SNTG1: variants seen among roughly 807,000 people sequenced by gnomAD.
SNTG1 encodes syntrophin gamma 1.
SNTG1 carries 39 observed loss-of-function variants against 74.7 expected under a neutral mutation model. The ratio of observed to expected loss-of-function variants is 0.52; its 90% CI spans 0.40 to 0.68. The LOEUF is 0.68. Among genes scored for constraint, SNTG1 ranks in the 30% least tolerant of loss-of-function variants. The pLI is 0.00. For synonymous variants in SNTG1, 254 were observed against 217.1 expected, an observed-to-expected ratio of 1.17 and a Z score of -1.49; for missense variants, 685 against 609.5, an observed-to-expected ratio of 1.12 and a Z score of -1.30.
intron 2 of SNTG1, among the ~76,000 whole-genome samples, chr8:50,253,084 G>A (rs2086714059): frequency 6.6e-6 from 1 of 152,096 alleles, no homozygotes; most frequent in South Asian, 2.1e-4. Flanking sequence ...TGGTGGGACT[G>A]TAAATCCGTA....
intron 4 of SNTG1, among the ~76,000 whole-genome samples, chr8:50,420,400 G>A (rs1436247845): frequency 6.6e-6 from 1 of 152,044 alleles, no homozygotes; most frequent in Non-Finnish European, 1.5e-5. Context: ...GAAAAAAATT[G>A]TCAATCCAAA....
chr8:50,662,622 G>A (rs1187290833), intron 15 of SNTG1, among the ~76,000 whole-genome samples: 1 of 152,190 alleles, frequency 6.6e-6, no homozygotes, highest in African/African-American at 2.4e-5. Flanking sequence ...ATACTACACT[G>A]TCTCTGTCTC....
rs115523647 is a variant in SNTG1, at chr8:50,290,221, T to C, written c.-27-103991T>C. ...TAGGTTCCTCCAAATCCTGCCTATT[T>C]TAGGTATCTGGAGTTAATGTAAAAA... On this transcript the variant is annotated intron_variant, in intron 2 of 18. Coordinates refer to ENST00000642720, the MANE Select transcript of SNTG1 (RefSeq NM_018967.5). Among the ~76,000 whole-genome samples the C allele has an allele frequency of 3.5e-3, 528 of 152,292 alleles. 5 individuals carry two copies. Among genetic ancestry groups the C allele is most frequent in the African/African-American group, 0.012 (499 of 41,556 alleles).
intron 1 of SNTG1, among the ~76,000 whole-genome samples, chr8:50,133,193 CT>C (rs1272195385): frequency 6.6e-6 from 1 of 152,180 alleles, no homozygotes; most frequent in Non-Finnish European, 1.5e-5. Flanking sequence ...TCACTCAATT[CT>C]AGAACACGAT....
chr8:50,787,863 G>T (rs963732825), intron 18 of SNTG1, among the ~76,000 whole-genome samples: 4 of 152,004 alleles, frequency 2.6e-5, no homozygotes, highest in Admixed American at 2.0e-4. Context: ...GGAGTGACTT[G>T]TACTGGGTAT....
chr8:50,773,850 C>A lies in SNTG1; in HGVS notation c.1396-18821C>A, dbSNP rs1365142979. Reference sequence around the variant, plus strand: ...AATATATTAACTGGTCTAAATGAAGCTATGCCCAAAGAATTAACCTGTTTG... The same window carrying A: ...AATATATTAACTGGTCTAAATGAAGATATGCCCAAAGAATTAACCTGTTTG... On this transcript the variant is annotated intron_variant, in intron 18 of 18. Transcript: ENST00000642720. 2.0e-5 allele frequency among the ~76,000 whole-genome samples: 3 copies of A among 151,982 alleles called. 1 individual carries two copies. The highest frequency in any genetic ancestry group is 4.4e-5 in the Non-Finnish European group (3 of 67,986).
chr8:50,319,616 C>T (rs1043694411), intron 2 of SNTG1, among the ~76,000 whole-genome samples: 3 of 152,170 alleles, frequency 2.0e-5, no homozygotes, highest in South Asian at 2.1e-4. Context: ...TGAATAATAG[C>T]GGTGAAAGTG....
intron 2 of SNTG1, among the ~76,000 whole-genome samples, chr8:50,317,084 G>T (rs1253799922): frequency 6.6e-6 from 1 of 152,136 alleles, no homozygotes; most frequent in Admixed American, 6.5e-5. Flanking sequence ...AAAAGCTATT[G>T]GAGGTGCTTT....
chr8:50,533,171 C>T (rs557258752), intron 10 of SNTG1, among the ~76,000 whole-genome samples: 12 of 152,314 alleles, frequency 7.9e-5, no homozygotes, highest in Middle Eastern at 3.4e-3. Flanking sequence ...TTTCTTCTCT[C>T]TAGAGATGGA....
At chr8:50,621,651 C>T (rs748042204) in intron 13 of SNTG1, among the ~76,000 whole-genome samples, 4 of 152,108 alleles carry the variant, frequency 2.6e-5, no homozygotes, top group Non-Finnish European at 5.9e-5. Flanking sequence ...CCTGAGACAG[C>T]CAACAGACAA....
In SNTG1 at chr8:49,941,181, C is replaced by T. The variant is rs182401371; in HGVS notation, c.-103+28950C>T. Among the ~76,000 whole-genome samples the T allele has an allele frequency of 1.6e-3, 242 of 152,152 alleles. 1 individual carries two copies. Among genetic ancestry groups the T allele is most frequent in the Non-Finnish European group, 7.8e-4 (53 of 67,990 alleles). On this transcript the variant is annotated intron_variant, in intron 1 of 18. Coordinates refer to ENST00000642720, the MANE Select transcript of SNTG1 (RefSeq NM_018967.5). ...TTCACAAAGGGGGGTTTCCCTTTGA[C>T]CCTTTCCCTGCTTTCTGTCCAAAAA...
intron 2 of SNTG1, among the ~76,000 whole-genome samples, chr8:50,204,023 T>C (rs1252985015): frequency 1.3e-5 from 2 of 152,038 alleles, no homozygotes; most frequent in African/African-American, 4.8e-5. Context: ...TGCATAATGA[T>C]ACCCCCTGGA....
chr8:50,567,414 A>G (rs1585707310), intron 12 of SNTG1, among the ~76,000 whole-genome samples: 1 of 152,072 alleles, frequency 6.6e-6, no homozygotes, highest in East Asian at 1.9e-4. Flanking sequence ...ATTCTTCCCT[A>G]TATACCCTAT....
intron 2 of SNTG1, among the ~76,000 whole-genome samples, chr8:50,205,771 C>T (rs1370217256): frequency 1.3e-5 from 2 of 152,202 alleles, no homozygotes; most frequent in East Asian, 3.8e-4. Flanking sequence ...GATCCACTTA[C>T]AGCTTTCTAC....
At chr8:50,539,695 G>C (rs1414153694) in intron 11 of SNTG1, among the ~76,000 whole-genome samples, 1 of 152,146 alleles carries the variant, frequency 6.6e-6, no homozygotes, top group Non-Finnish European at 1.5e-5. Context: ...AGGTTCAGCT[G>C]TCCATGACAC....
intron 1 of SNTG1, among the ~76,000 whole-genome samples, chr8:50,122,244 C>G (rs1176641854): frequency 1.4e-5 from 2 of 142,216 alleles, no homozygotes; most frequent in Non-Finnish European, 3.1e-5. Context: ...GTAACTTGTG[C>G]CTTACCTCGT....
chr8:50,753,638 A>G (rs1165600952), intron 18 of SNTG1, among the ~76,000 whole-genome samples: 1 of 151,960 alleles, frequency 6.6e-6, no homozygotes, highest in African/African-American at 2.4e-5. Context: ...TGACAAGTAT[A>G]CTAGAAATTA....
chr8:50,236,988 T>C (rs2085937696), intron 2 of SNTG1, among the ~76,000 whole-genome samples: 1 of 152,194 alleles, frequency 6.6e-6, no homozygotes, highest in South Asian at 2.1e-4. Flanking sequence ...CTATCACAAA[T>C]ATTGCTTGAA....
chr8:50,625,899 A>G (rs2094953388), intron 13 of SNTG1, among the ~76,000 whole-genome samples: 1 of 152,202 alleles, frequency 6.6e-6, no homozygotes, highest in African/African-American at 2.4e-5. Flanking sequence ...TATTTATTGA[A>G]TTATTTTTAA....
Sources: allele counts gnomAD v4.1 joint callset (sites outside exome capture counted in the v4.1 genomes callset), GRCh38; gene constraint gnomAD v4.1.1; transcripts MANE v1.5; gene names NCBI Gene and HGNC (gene_info 2026-07-23, HGNC 2026-07-21).